Variants in CDK14 observed in about 807,000 individuals in gnomAD.
CDK14 encodes cyclin dependent kinase 14, also known as cyclin-dependent kinase 14.
In CDK14, 34 loss-of-function variants were observed where a neutral mutation model predicts 60.7. The observed-to-expected ratio is 0.56, with a 90% CI of 0.43 to 0.75. The LOEUF (loss-of-function observed/expected upper bound fraction) is 0.75. Among genes scored for constraint, CDK14 ranks in the 30% least tolerant of loss-of-function variants. The probability of loss-of-function intolerance (pLI) is 0.00; values close to 1 mark genes in which losing one functional copy is unlikely to be tolerated. For missense variants in CDK14, 482 were observed against 564.1 expected, an observed-to-expected ratio of 0.85 and a Z score of 1.47; for synonymous variants, 197 against 203.7, an observed-to-expected ratio of 0.97 and a Z score of 0.28.
intron 14 of CDK14, among the ~76,000 whole-genome samples, chr7:91,133,264 G>A (rs1800171625): frequency 2.0e-5 from 3 of 152,066 alleles, no homozygotes; most frequent in Non-Finnish European, 4.4e-5. Flanking sequence ...AGGGTTAACT[G>A]TAGTTTCAGG....
intron 14 of CDK14, among the ~76,000 whole-genome samples, chr7:91,192,348 C>T (rs952885447): frequency 1.3e-5 from 2 of 152,164 alleles, no homozygotes; most frequent in Admixed American, 6.6e-5. Flanking sequence ...ATAAGGGAAA[C>T]AAATCTTTGT....
intron 2 of CDK14, among the ~76,000 whole-genome samples, chr7:90,649,252 C>CTTTG (rs879793176): frequency 0.13 from 5,708 of 44,900 alleles, 798 homozygotes; most frequent in South Asian, 0.18. Context: ...TTCTTTCTTT[C>CTTTG]TTTCTTTCTT....
chr7:90,957,852 C>G (rs1402229046), intron 9 of CDK14, among the ~76,000 whole-genome samples: 2 of 151,998 alleles, frequency 1.3e-5, no homozygotes, highest in Non-Finnish European at 2.9e-5. Flanking sequence ...GAAAAAACTA[C>G]TTTAAAGTTC....
At chr7:91,120,828 C>T (rs1799762306) in intron 14 of CDK14, among the ~76,000 whole-genome samples, 1 of 152,054 alleles carries the variant, frequency 6.6e-6, no homozygotes, top group Admixed American at 6.6e-5. Flanking sequence ...TGAGTCACCG[C>T]GCCTGGCCCA....
At chr7:90,973,433 A>G (rs752189820) in intron 9 of CDK14, among the ~76,000 whole-genome samples, 1 of 152,116 alleles carries the variant, frequency 6.6e-6, no homozygotes, top group Non-Finnish European at 1.5e-5. Flanking sequence ...TTGCTAACAC[A>G]TGGATGCAAT....
chr7:90,937,601 A>C (rs1376252080), intron 8 of CDK14, among the ~76,000 whole-genome samples: 2 of 152,232 alleles, frequency 1.3e-5, no homozygotes, highest in Non-Finnish European at 2.9e-5. Flanking sequence ...TTTCTATCTT[A>C]GGAGATATTC....
intron 2 of CDK14, among the ~76,000 whole-genome samples, chr7:90,703,292 CTG>C (rs1801829173): frequency 6.6e-6 from 1 of 152,114 alleles, no homozygotes; most frequent in Non-Finnish European, 1.5e-5. Context: ...ATTTGGAACT[CTG>C]TGATACTGTT....
rs990649750 is a variant in CDK14 at position 91,153,345 on chromosome 7, G to A, written c.*28+35137G>A. On this transcript the variant is annotated intron_variant, in intron 14 of 14. Coordinates refer to ENST00000380050, the MANE Select transcript of CDK14 (RefSeq NM_001287135.2). ...CGACAGTGTGGTGATTCCTCAAGGA[G>A]CTAAAAGCAGAACTGTCATTTGACC... Among the ~76,000 whole-genome samples the A allele has an allele frequency of 2.6e-5, 4 of 152,252 alleles. 1 individual carries two copies.
intron 2 of CDK14, among the ~76,000 whole-genome samples, chr7:90,705,230 G>A (rs999057496): frequency 5.3e-5 from 8 of 151,014 alleles, no homozygotes; most frequent in South Asian, 2.1e-4. Context: ...AGTTAGATTC[G>A]TATATATAAA....
At chr7:91,026,848 A>G (rs1406389275) in intron 10 of CDK14, among the ~76,000 whole-genome samples, 3 of 152,214 alleles carry the variant, frequency 2.0e-5, no homozygotes, top group African/African-American at 7.2e-5. Flanking sequence ...TGCCCAAACT[A>G]TTATGACCAT....
At chr7:91,059,263 T>C (rs1317631831) in intron 11 of CDK14, among the ~76,000 whole-genome samples, 1 of 152,232 alleles carries the variant, frequency 6.6e-6, no homozygotes, top group Non-Finnish European at 1.5e-5. Flanking sequence ...CCCTTTAACA[T>C]TTTTTATTGC....
intron 2 of CDK14, among the ~76,000 whole-genome samples, chr7:90,706,877 C>T (rs184142637): frequency 1.0e-3 from 155 of 152,204 alleles, no homozygotes; most frequent in Non-Finnish European, 1.9e-3. Flanking sequence ...ACTGATCAGC[C>T]CAGGGATACA....
At chr7:90,682,716 G>A (rs1470050842) in intron 2 of CDK14, among the ~76,000 whole-genome samples, 1 of 152,148 alleles carries the variant, frequency 6.6e-6, no homozygotes, top group African/African-American at 2.4e-5. Flanking sequence ...GTAGAATCAT[G>A]CATTACATTT....
At chr7:90,940,434 C>A (rs1793884108) in intron 8 of CDK14, among the ~76,000 whole-genome samples, 1 of 152,030 alleles carries the variant, frequency 6.6e-6, no homozygotes, top group African/African-American at 2.4e-5. Context: ...TATTTTTAGT[C>A]ATTTGCTACA....
At chr7:90,908,276 G>A (rs1385263927) in intron 7 of CDK14, among the ~76,000 whole-genome samples, 1 of 152,068 alleles carries the variant, frequency 6.6e-6, no homozygotes, top group Admixed American at 6.6e-5. Context: ...AAGATATGGG[G>A]TCTGCATTTA....
At chr7:90,624,648 G>T (rs1179987411) in intron 2 of CDK14, among the ~76,000 whole-genome samples, 1 of 152,306 alleles carries the variant, frequency 6.6e-6, no homozygotes, top group Admixed American at 6.5e-5. Context: ...ACAAACTGGA[G>T]CAGAGGTTTG....
intron 14 of CDK14, among the ~76,000 whole-genome samples, chr7:91,179,585 G>A (rs1386126436): frequency 2.0e-5 from 3 of 151,458 alleles, no homozygotes; most frequent in Non-Finnish European, 4.4e-5. Flanking sequence ...GGCGGATCAC[G>A]AGGTCAAGAG....
intron 8 of CDK14, among the ~76,000 whole-genome samples, chr7:90,937,070 C>A (rs1584143343): frequency 6.6e-6 from 1 of 152,076 alleles, no homozygotes; most frequent in African/African-American, 2.4e-5. Context: ...CAGAGTAAGA[C>A]CTTGCCTCTT....
intron 14 of CDK14, among the ~76,000 whole-genome samples, chr7:91,155,789 G>T (rs559573204): frequency 6.6e-6 from 1 of 152,214 alleles, no homozygotes; most frequent in Admixed American, 6.5e-5. Flanking sequence ...TTTCTGTTGG[G>T]TTTATATATT....
Sources: allele counts gnomAD v4.1 joint callset (sites outside exome capture counted in the v4.1 genomes callset), GRCh38; gene constraint gnomAD v4.1.1; transcripts MANE v1.5; gene names NCBI Gene and HGNC (gene_info 2026-07-23, HGNC 2026-07-21).